DLC1: variants seen among roughly 807,000 people sequenced by gnomAD.
The protein encoded by DLC1 is rho GTPase-activating protein 7.
A neutral mutation model predicts 140.3 loss-of-function variants in DLC1; 54 were observed. The observed-to-expected ratio is 0.38, with a 90% CI of 0.31 to 0.48. DLC1 has a LOEUF of 0.48. Among genes scored for constraint, DLC1 ranks in the 20% least tolerant of loss-of-function variants. The pLI is 0.96. For missense variants in DLC1, 2,536 were observed against 1,907.0 expected (o/e 1.33, Z -6.14); for synonymous variants, 986 against 728.1 (o/e 1.35, Z -5.70).
intron 2 of DLC1, among the ~76,000 whole-genome samples, chr8:13,467,016 A>G (rs1263082429): frequency 6.6e-6 from 1 of 151,854 alleles, no homozygotes; most frequent in African/African-American, 2.4e-5. Flanking sequence ...CTTATTTTAG[A>G]TCTTCTTTAA....
chr8:13,433,153 A>C (rs1003734251), intron 2 of DLC1, among the ~76,000 whole-genome samples: 2 of 152,138 alleles, frequency 1.3e-5, no homozygotes, highest in Admixed American at 6.5e-5. Context: ...AGGCATTCCT[A>C]TTCCATGAAG....
intron 1 of DLC1, 142 bp downstream of exon 1, chr8:13,514,460 A>G (rs745708828): frequency 3.7e-4 from 145 of 396,760 alleles, no homozygotes; most frequent in Non-Finnish European, 3.6e-4. Flanking sequence ...CTACTTATCA[A>G]ACATTTTCCA....
chr8:13,492,931 G>T (rs1351505), intron 2 of DLC1, among the ~76,000 whole-genome samples: 2 of 152,096 alleles, frequency 1.3e-5, no homozygotes, highest in Non-Finnish European at 2.9e-5. Context: ...TTATTTGATA[G>T]TTTTCAGTGG....
chr8:13,128,354 C>T (rs62493014), intron 5 of DLC1, among the ~76,000 whole-genome samples: 3 of 152,106 alleles, frequency 2.0e-5, no homozygotes, highest in African/African-American at 7.2e-5. Context: ...AAGACAGAGC[C>T]CCAAGTCTCC....
intron 2 of DLC1, among the ~76,000 whole-genome samples, chr8:13,453,429 TA>T (rs1799195814): frequency 2.9e-5 from 1 of 35,016 alleles, no homozygotes; most frequent in Non-Finnish European, 4.9e-5. Context: ...TATATGTGTA[TA>T]TATATATGTA....
In DLC1 at chr8:13,478,722, A is replaced by G. The variant is rs576953279; in HGVS notation, c.1023+20327T>C. On this transcript the variant is annotated intron_variant, in intron 2 of 17. Coordinates refer to ENST00000276297, the MANE Select transcript of DLC1 (RefSeq NM_182643.3). ...ATCATTTCTATCAGCTTCCAATATA[A>G]TGTTCAAATATCTCCCAATACAATT... Among the ~76,000 whole-genome samples, 4 of 152,148 alleles carry G rather than the reference A, an allele frequency of 2.6e-5. No individual in the cohort carries two copies. In the South Asian group the frequency reaches 8.3e-4, roughly 32 times the overall value.
In DLC1 at chr8:13,337,554, T is replaced by C. The variant is rs373464222; in HGVS notation, c.1315-32252A>G. On this transcript the variant is annotated intron_variant, in intron 4 of 17. Coordinates refer to ENST00000276297, the MANE Select transcript of DLC1 (RefSeq NM_182643.3). ...ATAGATGGAAAAATTAGGGCACAGA[T>C]TCTGATGCCTATCCACACTGCTCAA... is the stretch of plus-strand genomic sequence containing the variant. 1.7e-3 allele frequency among the ~76,000 whole-genome samples: 261 copies of C among 152,288 alleles called. 3 individuals are homozygous for C. The highest frequency in any genetic ancestry group is 6.2e-3 in the African/African-American group (258 of 41,570).
chr8:13,419,750 C>T (rs1201722912), intron 2 of DLC1, among the ~76,000 whole-genome samples: 2 of 152,182 alleles, frequency 1.3e-5, no homozygotes, highest in South Asian at 2.1e-4. Flanking sequence ...GGAGGATTCT[C>T]TCTTTTTCTA....
intron 5 of DLC1, among the ~76,000 whole-genome samples, chr8:13,173,435 G>C (rs1443767655): frequency 7.2e-6 from 1 of 139,738 alleles, no homozygotes; most frequent in African/African-American, 2.7e-5. Context: ...GCAGTGGCGC[G>C]ATCTCGGCTC....
At chr8:13,206,223 A>C (rs1188071914) in intron 5 of DLC1, among the ~76,000 whole-genome samples, 1 of 152,196 alleles carries the variant, frequency 6.6e-6, no homozygotes, top group Non-Finnish European at 1.5e-5. Context: ...TTGCCTTAGT[A>C]AAAATGGCTG....
chr8:13,566,715 G>A (rs2117396206), intron 1 of DLC1: 1 of 450,798 alleles, frequency 2.2e-6, no homozygotes, highest in Non-Finnish European at 3.9e-6. Flanking sequence ...AAGCAGGAGT[G>A]CAGAAGACAG....
rs1233112781 is a variant in DLC1, at chr8:13,099,583, C to G, written c.2754G>C (p.Arg918=). ...DILYHVKGMQ[R]IVNQWSEKFS... ...ACTTCTCCGACCACTGATTGACTAT[C>G]CGCTGCATCCCCTTCACGTGGTAGA... The change falls in exon 9 of 18, where the codon CGG becomes CGC. Residue 918 remains arginine (R), a synonymous_variant. Coordinates refer to ENST00000276297, the MANE Select transcript of DLC1 (RefSeq NM_182643.3). 1 of 1,614,106 alleles carries G rather than the reference C, an allele frequency of 6.2e-7. No individual in the cohort carries two copies. The highest frequency in any genetic ancestry group is 8.5e-7 in the Non-Finnish European group (1 of 1,180,046).
At chr8:13,287,636 C>T (rs1831579906) in intron 5 of DLC1, among the ~76,000 whole-genome samples, 2 of 152,114 alleles carry the variant, frequency 1.3e-5, no homozygotes, top group Admixed American at 6.6e-5. Context: ...ACATCGTTAA[C>T]ATTTCAATTG....
intron 5 of DLC1, among the ~76,000 whole-genome samples, chr8:13,294,659 T>C (rs2117475775): frequency 6.6e-6 from 1 of 152,074 alleles, no homozygotes; most frequent in African/African-American, 2.4e-5. Context: ...GATGGAAAAT[T>C]AGGGTGAAAA....
At chr8:13,223,213 C>T (rs1828642476) in intron 5 of DLC1, among the ~76,000 whole-genome samples, 1 of 152,120 alleles carries the variant, frequency 6.6e-6, no homozygotes, top group Non-Finnish European at 1.5e-5. Context: ...AAAATCCTGT[C>T]GTAGAGAGCA....
chr8:13,196,438 G>A (rs7843700), intron 5 of DLC1, among the ~76,000 whole-genome samples: 8,278 of 152,142 alleles, frequency 0.054, 522 homozygotes, highest in African/African-American at 0.16. Flanking sequence ...ACCCGTGTAA[G>A]GTCTATTGCT....
chr8:13,528,309 C>T (rs985173730), intron 1 of DLC1, among the ~76,000 whole-genome samples: 4 of 151,944 alleles, frequency 2.6e-5, no homozygotes, highest in Non-Finnish European at 5.9e-5. Flanking sequence ...ATTTCAATGA[C>T]CAGGTTTTCA....
chr8:13,457,609 G>A (rs1056689159), intron 2 of DLC1, among the ~76,000 whole-genome samples: 4 of 148,244 alleles, frequency 2.7e-5, no homozygotes, highest in African/African-American at 5.0e-5. Flanking sequence ...CCTGGGAGGC[G>A]GAGCTTGCAG....
intron 2 of DLC1, among the ~76,000 whole-genome samples, chr8:13,473,220 G>A (rs4376498): frequency 0.47 from 70,842 of 151,866 alleles, 16,696 homozygotes; most frequent in African/African-American, 0.49. Flanking sequence ...TTCTTTAGTG[G>A]CTGATATGAT....
Sources: allele counts gnomAD v4.1 joint callset (sites outside exome capture counted in the v4.1 genomes callset), GRCh38; gene constraint gnomAD v4.1.1; transcripts MANE v1.5; gene names NCBI Gene and HGNC (gene_info 2026-07-23, HGNC 2026-07-21).